The following ATRNL1 variants were observed in gnomAD, a reference collection of about 807,000 sequenced individuals.
The protein encoded by ATRNL1 is attractin like 1.
In ATRNL1, 95 loss-of-function variants were observed where a neutral mutation model predicts 182.7. The ratio of observed to expected loss-of-function variants is 0.52; its 90% CI spans 0.44 to 0.62. The LOEUF (loss-of-function observed/expected upper bound fraction) is 0.62. Among genes scored for constraint, ATRNL1 ranks in the 20% least tolerant of loss-of-function variants. ATRNL1 has a pLI of 0.00. For synonymous variants in ATRNL1, 576 were observed against 568.3 expected, an observed-to-expected ratio of 1.01 and a Z score of -0.19; for missense variants, 1,471 against 1,679.5, an observed-to-expected ratio of 0.88 and a Z score of 2.17.
intron 21 of ATRNL1, among the ~76,000 whole-genome samples, chr10:115,429,294 A>AT (rs1846042898): frequency 6.6e-6 from 1 of 152,158 alleles, no homozygotes; most frequent in Non-Finnish European, 1.5e-5. Context: ...CGCTTACTAA[A>AT]TTCTGTTTGT....
intron 26 of ATRNL1, among the ~76,000 whole-genome samples, chr10:115,594,417 A>G (rs1269304612): frequency 6.6e-6 from 1 of 152,174 alleles, no homozygotes; most frequent in African/African-American, 2.4e-5. Context: ...AATTTGAGTT[A>G]GGTATAGTGT....
chr10:115,192,999 A>G (rs1467404379), intron 8 of ATRNL1, among the ~76,000 whole-genome samples: 4 of 152,030 alleles, frequency 2.6e-5, no homozygotes, highest in South Asian at 2.1e-4. Context: ...ATATAAGATC[A>G]TATAATCTAT....
At chr10:115,182,585 A>G (rs1376624127) in intron 8 of ATRNL1, among the ~76,000 whole-genome samples, 1 of 151,556 alleles carries the variant, frequency 6.6e-6, no homozygotes, top group Non-Finnish European at 1.5e-5. Context: ...ATAAAACAAA[A>G]CCCAAATCTA....
intron 25 of ATRNL1, among the ~76,000 whole-genome samples, chr10:115,548,962 A>G (rs1230976954): frequency 6.6e-6 from 1 of 152,108 alleles, no homozygotes; most frequent in Non-Finnish European, 1.5e-5. Flanking sequence ...GTTATTTAAT[A>G]TGTTCATACA....
At chr10:115,459,214 G>A (rs1407675152) in intron 21 of ATRNL1, among the ~76,000 whole-genome samples, 1 of 152,184 alleles carries the variant, frequency 6.6e-6, no homozygotes. Context: ...TACAGCATGT[G>A]TGTTTGAGCA....
At position 115,120,279 on chromosome 10, in the gene ATRNL1, A is replaced by T; in HGVS notation, c.377+11A>T. The stretch of plus-strand genomic sequence containing the variant: ...GCTCATTGAAGGCTAGTAAGTATAC[A>T]GTCTGAGTCAAATTAATGTATTTTA... On this transcript the variant is annotated intron_variant, in intron 2 of 28. Coordinates refer to ENST00000355044, the MANE Select transcript of ATRNL1 (RefSeq NM_207303.4). The T allele has an allele frequency of 3.0e-6, 4 of 1,335,684 alleles. No homozygotes were observed. Among genetic ancestry groups the T allele is most frequent in the Non-Finnish European group, 4.2e-6 (4 of 949,642 alleles). 82.7% of individuals were successfully genotyped at this position (1,335,684 alleles called of 1,614,324 possible). A position where few individuals can be genotyped will look rare whatever the true frequency, so the allele number is the denominator to read the frequency against.
intron 19 of ATRNL1, among the ~76,000 whole-genome samples, chr10:115,353,292 T>A (rs1856351674): frequency 6.6e-6 from 1 of 152,212 alleles, no homozygotes. Context: ...ATTCTTTGGC[T>A]GAATTTGACC....
At chr10:115,382,005 C>T (rs1554951288) in intron 19 of ATRNL1, among the ~76,000 whole-genome samples, 2 of 151,874 alleles carry the variant, frequency 1.3e-5, no homozygotes, top group African/African-American at 2.4e-5. Context: ...AATCAATTGG[C>T]CATAAGTGTA....
intron 27 of ATRNL1, among the ~76,000 whole-genome samples, chr10:115,789,934 A>G (rs1437480250): frequency 6.6e-6 from 1 of 152,208 alleles, no homozygotes; most frequent in East Asian, 1.9e-4. Context: ...ATTAGCCATG[A>G]TTGAAGGATA....
chr10:115,581,283 G>T (rs1555007266), intron 26 of ATRNL1, among the ~76,000 whole-genome samples: 2 of 151,866 alleles, frequency 1.3e-5, no homozygotes, highest in Non-Finnish European at 2.9e-5. Context: ...GCCAAGTTTT[G>T]TCAGTGCCCC....
intron 21 of ATRNL1, among the ~76,000 whole-genome samples, chr10:115,434,074 A>C (rs1846290213): frequency 6.6e-6 from 1 of 152,050 alleles, no homozygotes; most frequent in South Asian, 2.1e-4. Context: ...TTTGTGTGTA[A>C]AATGTTGAAT....
At chr10:115,368,109 C>T (rs1447075412) in intron 19 of ATRNL1, among the ~76,000 whole-genome samples, 6 of 152,252 alleles carry the variant, frequency 3.9e-5, no homozygotes, top group Admixed American at 1.3e-4. Flanking sequence ...CAATGGCGGG[C>T]GCCCCTCCCC....
chr10:115,094,130 C>T (rs1311177396), intron 1 of ATRNL1, 87 bp downstream of exon 1: 8 of 1,222,022 alleles, frequency 6.5e-6, no homozygotes, highest in Non-Finnish European at 8.4e-6. Flanking sequence ...CTCCCCCGCC[C>T]CCGTCGCTGC....
At chr10:115,876,266 C>T (rs1442963721) in intron 28 of ATRNL1, among the ~76,000 whole-genome samples, 1 of 152,118 alleles carries the variant, frequency 6.6e-6, no homozygotes, top group Non-Finnish European at 1.5e-5. Flanking sequence ...ATTTTTCATT[C>T]TGTACAATGG....
At chr10:115,696,870 C>CGAGAGAGAGAGAGAGA (rs138252590) in intron 26 of ATRNL1, among the ~76,000 whole-genome samples, 91 of 134,042 alleles carry the variant, frequency 6.8e-4, no homozygotes, top group African/African-American at 2.1e-3. Flanking sequence ...CATATCAGAG[C>CGAGAGAGAGAGAGAGA]GAGAGAGAGA....
chr10:115,826,692 G>A (rs1313817196), intron 27 of ATRNL1, among the ~76,000 whole-genome samples: 2 of 152,160 alleles, frequency 1.3e-5, no homozygotes, highest in African/African-American at 4.8e-5. Flanking sequence ...TCTCGACAGT[G>A]AGTGGGCACC....
chr10:115,454,996 C>G (rs1554968414), intron 21 of ATRNL1, among the ~76,000 whole-genome samples: 1 of 152,086 alleles, frequency 6.6e-6, no homozygotes, highest in Non-Finnish European at 1.5e-5. Context: ...GGAATACTTA[C>G]AGCTTTTTAT....
At chr10:115,495,893 A>G (rs539384982) in intron 24 of ATRNL1, among the ~76,000 whole-genome samples, 1 of 152,108 alleles carries the variant, frequency 6.6e-6, no homozygotes, top group African/African-American at 2.4e-5. Flanking sequence ...TTCTGCCTTG[A>G]TGATCTGTCT....
At chr10:115,588,438 A>G (rs1305106794) in intron 26 of ATRNL1, among the ~76,000 whole-genome samples, 3 of 152,180 alleles carry the variant, frequency 2.0e-5, no homozygotes, top group Non-Finnish European at 4.4e-5. Context: ...TCCTCTGTCA[A>G]AAGCCAAAAC....
Sources: allele counts gnomAD v4.1 joint callset (sites outside exome capture counted in the v4.1 genomes callset), GRCh38; gene constraint gnomAD v4.1.1; transcripts MANE v1.5; gene names NCBI Gene and HGNC (gene_info 2026-07-23, HGNC 2026-07-21).